GALNT17: variants seen among roughly 807,000 people sequenced by gnomAD.
GALNT17 encodes polypeptide N-acetylgalactosaminyltransferase 17.
A neutral mutation model predicts 63.7 loss-of-function variants in GALNT17; 29 were observed. The observed-to-expected ratio is 0.46, with a 90% CI of 0.34 to 0.62. The LOEUF is 0.62. Ranked by LOEUF, GALNT17 falls within the 20% of genes least tolerant of loss-of-function variation. The probability of loss-of-function intolerance (pLI) is 0.01; values close to 1 mark genes in which losing one functional copy is unlikely to be tolerated. For synonymous variants in GALNT17, 305 were observed against 318.3 expected (o/e 0.96, Z 0.45); for missense variants, 603 against 799.6 (o/e 0.75, Z 2.97).
chr7:71,320,477 C>T (rs889197766), intron 1 of GALNT17, among the ~76,000 whole-genome samples: 5 of 151,874 alleles, frequency 3.3e-5, no homozygotes, highest in African/African-American at 1.2e-4. Context: ...TCTTGAACTC[C>T]TAGGCTCAGG....
Position 71,335,619 on chromosome 7 carries a change from T to G in GALNT17, c.308T>G (p.Leu103Arg). The G allele has an allele frequency of 1.2e-6, 2 of 1,612,972 alleles. No homozygotes were observed. The highest frequency in any genetic ancestry group is 1.7e-6 in the Non-Finnish European group (2 of 1,179,456). ...GRGKGGLPAT[L>R]SPAEEEKAKG... ...GGTAAAGGGGGCCTTCCGGCTACTC[T>G]TTCCCCGGCTGAAGAAGAAAAGGCT... The change falls in exon 2 of 11, where the codon CTT (leucine) becomes CGT (arginine). Residue 103 changes from leucine to arginine, a missense_variant. This residue lies in a region of GALNT17 where 195 missense variants were observed against 215.0 expected (regional missense o/e 0.91). Coordinates refer to ENST00000333538, the MANE Select transcript of GALNT17 (RefSeq NM_022479.3).
At chr7:71,196,174 T>G (rs1335634447) in intron 1 of GALNT17, among the ~76,000 whole-genome samples, 3 of 152,132 alleles carry the variant, frequency 2.0e-5, no homozygotes, top group Non-Finnish European at 4.4e-5. Flanking sequence ...GGTCTTGCTC[T>G]GTCGCCTAGG....
intron 2 of GALNT17, among the ~76,000 whole-genome samples, chr7:71,338,708 AT>A (rs1791956508): frequency 6.6e-6 from 1 of 152,038 alleles, no homozygotes; most frequent in Non-Finnish European, 1.5e-5. Flanking sequence ...CAGATTCTCC[AT>A]TTTCTATTAG....
At chr7:71,298,258 G>A (rs990843325) in intron 1 of GALNT17, among the ~76,000 whole-genome samples, 4 of 152,146 alleles carry the variant, frequency 2.6e-5, no homozygotes, top group Admixed American at 6.5e-5. Flanking sequence ...GACTTCAGGT[G>A]ATCCACCTGC....
chr7:71,638,574 C>T (rs1337620639), intron 6 of GALNT17, among the ~76,000 whole-genome samples: 1 of 152,138 alleles, frequency 6.6e-6, no homozygotes, highest in East Asian at 1.9e-4. Context: ...CCGATACAGA[C>T]ACGGCATGGG....
At chr7:71,375,203 A>T (rs903119664) in intron 2 of GALNT17, among the ~76,000 whole-genome samples, 4 of 152,196 alleles carry the variant, frequency 2.6e-5, no homozygotes, top group African/African-American at 4.8e-5. Flanking sequence ...GATGGCCCAG[A>T]TGTGGGAAGA....
chr7:71,214,383 C>T (rs1005455570), intron 1 of GALNT17, among the ~76,000 whole-genome samples: 15 of 152,238 alleles, frequency 9.9e-5, no homozygotes, highest in African/African-American at 2.4e-4. Context: ...TTGTTTGTTA[C>T]GTTTCTTTAA....
At chr7:71,541,040 A>C (rs1034492370) in intron 5 of GALNT17, among the ~76,000 whole-genome samples, 3 of 151,922 alleles carry the variant, frequency 2.0e-5, no homozygotes, top group African/African-American at 7.2e-5. Context: ...GGAGTTTGAG[A>C]CCAGCCTGGC....
chr7:71,677,281 A>G lies in GALNT17; in HGVS notation c.1475A>G (p.Tyr492Cys). ...CTGGAGAACCACACAGCAATATTGT[A>G]TCCGTGCCATGGCTGGGGACCACAG... ...GPLENHTAILYPCHGWGPQLA... is the reference protein window; with the variant it reads ...GPLENHTAILCPCHGWGPQLA... The change falls in exon 9 of 11, where the codon TAT becomes TGT. Residue 492 changes from tyrosine to cysteine, a missense_variant. This residue lies in a region of GALNT17 where 336 missense variants were observed against 507.8 expected (regional missense o/e 0.66). Coordinates refer to ENST00000333538, the MANE Select transcript of GALNT17 (RefSeq NM_022479.3). 6.2e-7 allele frequency: 1 copy of G among 1,613,942 alleles called. No homozygotes were observed. The highest frequency in any genetic ancestry group is 8.5e-7 in the Non-Finnish European group (1 of 1,179,928).
intron 5 of GALNT17, among the ~76,000 whole-genome samples, chr7:71,528,288 G>T (rs189542891): frequency 3.7e-4 from 56 of 152,254 alleles, no homozygotes; most frequent in African/African-American, 1.2e-3. Flanking sequence ...TGTCCTGTGG[G>T]CTGCTCCCAT....
chr7:71,443,207 C>T (rs1465694182), intron 5 of GALNT17, among the ~76,000 whole-genome samples: 4 of 152,158 alleles, frequency 2.6e-5, no homozygotes, highest in Non-Finnish European at 5.9e-5. Context: ...AATACTGGGT[C>T]TCTGCAACTT....
chr7:71,249,965 C>T (rs1583797975), intron 1 of GALNT17, among the ~76,000 whole-genome samples: 1 of 152,184 alleles, frequency 6.6e-6, no homozygotes, highest in East Asian at 1.9e-4. Context: ...TGCTGAAACT[C>T]TTCATATGGA....
In GALNT17 at chr7:71,234,885, C is replaced by T. The variant is rs138693366; in HGVS notation, c.239-100665C>T. ...CCTTTTTGTACCTTGTCTCCTCCTGCATAGTGACTGTTGGGTCTCCTGCCT... is the reference window on the plus strand; with the variant it reads ...CCTTTTTGTACCTTGTCTCCTCCTGTATAGTGACTGTTGGGTCTCCTGCCT... On this transcript the variant is annotated intron_variant, in intron 1 of 10. Transcript: ENST00000333538. Among the ~76,000 whole-genome samples the T allele has an allele frequency of 6.0e-4, 92 of 152,270 alleles. 1 individual carries two copies. In the East Asian group the frequency reaches 0.017, roughly 29 times the overall value.
chr7:71,454,781 T>C lies in GALNT17; in HGVS notation c.962+33676T>C, dbSNP rs142732604. ...ATGATCTGAGGGTGGAATTTTCAGC[T>C]CTCTGACATCAAAAGGTGAAATAGA... On this transcript the variant is annotated intron_variant, in intron 5 of 10. Coordinates refer to ENST00000333538, the MANE Select transcript of GALNT17 (RefSeq NM_022479.3). Among the ~76,000 whole-genome samples the C allele has an allele frequency of 7.9e-3, 1,200 of 152,234 alleles. 43 individuals carry two copies. The highest frequency in any genetic ancestry group is 0.061 in the Admixed American group (929 of 15,274).
chr7:71,181,752 C>A (rs1384374860), intron 1 of GALNT17, among the ~76,000 whole-genome samples: 1 of 152,132 alleles, frequency 6.6e-6, no homozygotes, highest in Non-Finnish European at 1.5e-5. Context: ...TGGCACACAC[C>A]TATAGTCCCA....
chr7:71,574,944 A>G (rs1789511476), intron 6 of GALNT17, among the ~76,000 whole-genome samples: 1 of 152,130 alleles, frequency 6.6e-6, no homozygotes, highest in African/African-American at 2.4e-5. Context: ...TTCCATGGCC[A>G]CACTGGCCCA....
At chr7:71,360,103 G>T (rs1268615969) in intron 2 of GALNT17, among the ~76,000 whole-genome samples, 4 of 152,270 alleles carry the variant, frequency 2.6e-5, no homozygotes, top group Non-Finnish European at 1.5e-5. Flanking sequence ...GAAGTATTAG[G>T]TTGCACTGTA....
intron 3 of GALNT17, among the ~76,000 whole-genome samples, chr7:71,408,485 C>A (rs142351446): frequency 1.3e-5 from 2 of 152,248 alleles, no homozygotes; most frequent in Non-Finnish European, 2.9e-5. Flanking sequence ...GGAATGAAAG[C>A]AGAAGGCAGG....
At chr7:71,705,344 C>CA in intron 9 of GALNT17, among the ~76,000 whole-genome samples, 1 of 151,828 alleles carries the variant, frequency 6.6e-6, no homozygotes, top group East Asian at 1.9e-4. Context: ...TGACTAGAAT[C>CA]AAAAAAAGCA....
Sources: allele counts gnomAD v4.1 joint callset (sites outside exome capture counted in the v4.1 genomes callset), GRCh38; gene constraint gnomAD v4.1.1; regional missense constraint gnomAD v4.1.1; transcripts MANE v1.5; gene names NCBI Gene and HGNC (gene_info 2026-07-23, HGNC 2026-07-21).